Variants in DMD observed in about 807,000 individuals in gnomAD.
DMD encodes the protein dystrophin.
In DMD, 63 loss-of-function variants were observed where a neutral mutation model predicts 330.1. The observed-to-expected ratio is 0.19, with a 90% CI of 0.16 to 0.24. The LOEUF (loss-of-function observed/expected upper bound fraction) is 0.24. Ranked by LOEUF, DMD falls within the 10% of genes least tolerant of loss-of-function variation. The probability of loss-of-function intolerance (pLI) is 1.00; values close to 1 mark genes in which losing one functional copy is unlikely to be tolerated. For synonymous variants in DMD, 1,223 were observed against 959.8 expected, an observed-to-expected ratio of 1.27 and a Z score of -5.07; for missense variants, 3,344 against 2,684.1, an observed-to-expected ratio of 1.25 and a Z score of -5.43.
intron 2 of DMD, among the ~76,000 whole-genome samples, chrX:32,961,762 T>C (rs1236654044): frequency 1.8e-5 from 2 of 111,618 alleles, no homozygotes; most frequent in Non-Finnish European, 3.8e-5. Flanking sequence ...TCCAGGCCTA[T>C]GTACATCTAG....
intron 9 of DMD, among the ~76,000 whole-genome samples, chrX:32,677,216 C>G (rs1466983929): frequency 9.0e-6 from 1 of 110,767 alleles, no homozygotes; most frequent in Non-Finnish European, 1.9e-5. Context: ...TTTTCAAAAC[C>G]AGTCACAATG....
At chrX:32,354,251 A>G (rs753980615) in intron 37 of DMD, among the ~76,000 whole-genome samples, 4 of 111,854 alleles carry the variant, frequency 3.6e-5, no homozygotes, top group Non-Finnish European at 7.6e-5. Flanking sequence ...AAATAATCCA[A>G]GTGCTACAGA....
chrX:32,425,643 G>T (rs898412791), intron 29 of DMD, among the ~76,000 whole-genome samples: 1 of 110,951 alleles, frequency 9.0e-6, no homozygotes, highest in Non-Finnish European at 1.9e-5. Context: ...TCTCACAGTT[G>T]TTCCTCCTCA....
At chrX:31,313,078 G>GTT (rs201377960) in intron 62 of DMD, among the ~76,000 whole-genome samples, 2 of 86,912 alleles carry the variant, frequency 2.3e-5, no homozygotes, top group African/African-American at 8.1e-5. Context: ...TTTTTGGTGT[G>GTT]TTTTTTTTTT....
intron 63 of DMD, among the ~76,000 whole-genome samples, chrX:31,238,554 G>A (rs1603120664): frequency 9.0e-6 from 1 of 111,563 alleles, no homozygotes; most frequent in African/African-American, 3.3e-5. Flanking sequence ...TGATACCATC[G>A]AGTCCTTACA....
chrX:31,375,249 T>C (rs2059828216), intron 60 of DMD, among the ~76,000 whole-genome samples: 1 of 112,175 alleles, frequency 8.9e-6, no homozygotes, highest in Non-Finnish European at 1.9e-5. Context: ...AGGCCAAACC[T>C]ACTCCAGAGC....
chrX:32,812,575 G>A (rs1167195307), intron 6 of DMD, among the ~76,000 whole-genome samples: 1 of 112,418 alleles, frequency 8.9e-6, no homozygotes, highest in African/African-American at 3.2e-5. Context: ...GGAGGTTGCA[G>A]TGAGCCAAGG....
chrX:33,074,517 C>T (rs1180274026), intron 1 of DMD, among the ~76,000 whole-genome samples: 1 of 110,489 alleles, frequency 9.1e-6, no homozygotes, highest in African/African-American at 3.3e-5. Flanking sequence ...CAAAATTTAA[C>T]CCCCAGTGTG....
chrX:32,765,825 C>T lies in DMD; in HGVS notation c.649+43668G>A, dbSNP rs1477175614. Among the ~76,000 whole-genome samples, 3 of 112,033 alleles carry T rather than the reference C, an allele frequency of 2.7e-5. No homozygotes were observed. In the East Asian group the frequency reaches 8.4e-4, roughly 31 times the overall value. Reference sequence around the variant, plus strand: ...TTCTTCCAAATGTCTACGCTTTCTTCTAAAAGTTCTGTACTTTTGGCCACG... The same window carrying T: ...TTCTTCCAAATGTCTACGCTTTCTTTTAAAAGTTCTGTACTTTTGGCCACG... On this transcript the variant is annotated intron_variant, in intron 7 of 78. Coordinates refer to ENST00000357033, the MANE Select transcript of DMD (RefSeq NM_004006.3).
intron 2 of DMD, among the ~76,000 whole-genome samples, chrX:32,870,980 A>AAAAAAAAAAAAAAAAAAAAAAAAAAAAG (rs770375159): frequency 2.7e-5 from 1 of 37,209 alleles, no homozygotes; most frequent in Non-Finnish European, 5.3e-5. Flanking sequence ...AAAAAAAAAA[A>AAAAAAAAAAAAAAAAAAAAAAAAAAAAG]AAAAAAAACC....
intron 1 of DMD, among the ~76,000 whole-genome samples, chrX:33,221,615 A>G (rs2052180105): frequency 9.0e-6 from 1 of 111,314 alleles, no homozygotes; most frequent in Non-Finnish European, 1.9e-5. Flanking sequence ...TAAAATTGAC[A>G]ATGTGCTAAA....
At chrX:32,080,777 C>A (rs113234475) in intron 44 of DMD, among the ~76,000 whole-genome samples, 3,589 of 111,327 alleles carry the variant, frequency 0.032, 52 homozygotes, top group South Asian at 0.11. Context: ...CATGAAGAGC[C>A]CCCTTGCACA....
intron 44 of DMD, among the ~76,000 whole-genome samples, chrX:32,119,625 T>A (rs2096626306): frequency 9.0e-6 from 1 of 111,603 alleles, no homozygotes; most frequent in Admixed American, 9.5e-5. Flanking sequence ...CCTCATCTTC[T>A]GATACTGCCT....
chrX:32,663,032 A>G (rs1041955465), intron 9 of DMD, among the ~76,000 whole-genome samples: 3 of 111,918 alleles, frequency 2.7e-5, no homozygotes, highest in African/African-American at 9.7e-5. Context: ...TGAGTAATGC[A>G]TTACATTTGT....
At chrX:31,922,495 G>GGTGTGTGTGT (rs765621749) in intron 47 of DMD, among the ~76,000 whole-genome samples, 1,708 of 97,453 alleles carry the variant, frequency 0.018, 20 homozygotes, top group African/African-American at 0.032. Context: ...ACTTGAGACT[G>GGTGTGTGTGT]GTGTGTGTGT....
chrX:31,269,836 C>T (rs1430706162), intron 62 of DMD, among the ~76,000 whole-genome samples: 1 of 111,734 alleles, frequency 8.9e-6, no homozygotes, highest in East Asian at 2.8e-4. Flanking sequence ...CCCCATTCTC[C>T]CATCCATCTC....
At chrX:32,689,210 T>C (rs1246095299) in intron 9 of DMD, among the ~76,000 whole-genome samples, 1 of 109,842 alleles carries the variant, frequency 9.1e-6, no homozygotes, top group Non-Finnish European at 1.9e-5. Context: ...CACTAAATCA[T>C]TTTTTTAAAA....
intron 62 of DMD, among the ~76,000 whole-genome samples, chrX:31,264,045 A>T (rs971969573): frequency 8.9e-6 from 1 of 112,207 alleles, no homozygotes; most frequent in African/African-American, 3.2e-5. Context: ...ATGAATATGG[A>T]CTGGATGAAA....
chrX:32,698,858 A>T (rs1257493173), intron 8 of DMD, among the ~76,000 whole-genome samples: 2 of 110,992 alleles, frequency 1.8e-5, no homozygotes, highest in East Asian at 5.7e-4. Context: ...AATTTAATAT[A>T]TTATGTTCTA....
Sources: allele counts gnomAD v4.1 joint callset (sites outside exome capture counted in the v4.1 genomes callset), GRCh38; gene constraint gnomAD v4.1.1; transcripts MANE v1.5; gene names NCBI Gene and HGNC (gene_info 2026-07-23, HGNC 2026-07-21).